The following PDE1C variants were observed in gnomAD, a reference collection of about 807,000 sequenced individuals.
PDE1C encodes dual specificity calcium/calmodulin-dependent 3',5'-cyclic nucleotide phosphodiesterase 1C.
In PDE1C, 62 loss-of-function variants were observed where a neutral mutation model predicts 93.1. That is an observed-to-expected ratio of 0.67 (90% CI 0.54 to 0.82). PDE1C has a LOEUF of 0.82. PDE1C is among the 40% of genes least tolerant of loss of function. PDE1C has a pLI of 0.00. For synonymous variants in PDE1C, 325 were observed against 310.1 expected (o/e 1.05, Z -0.50); for missense variants, 742 against 884.6 (o/e 0.84, Z 2.04).
intron 1 of PDE1C, among the ~76,000 whole-genome samples, chr7:32,069,004 G>T (rs185795145): frequency 2.4e-4 from 36 of 152,318 alleles, no homozygotes; most frequent in African/African-American, 8.7e-4. Flanking sequence ...AGGAAAGCCT[G>T]CCAGCCAGAG....
chr7:32,026,795 G>T (rs1316428762), intron 2 of PDE1C, among the ~76,000 whole-genome samples: 1 of 151,746 alleles, frequency 6.6e-6, no homozygotes, highest in Non-Finnish European at 1.5e-5. Context: ...AACAAACTGT[G>T]GTACATCTAG....
chr7:31,865,105 A>G (rs1247302490), intron 6 of PDE1C, 23 bp from the exon 7 acceptor site: 3 of 1,613,718 alleles, frequency 1.9e-6, no homozygotes, highest in Non-Finnish European at 2.5e-6. Flanking sequence ...AGTAAGGTTA[A>G]TTAACTAGTG....
chr7:31,751,382 C>T lies in PDE1C; in HGVS notation c.*2002G>A, dbSNP rs1023372982. On this transcript the variant is annotated 3_prime_UTR_variant, in exon 18 of 18. Coordinates refer to ENST00000396191, the MANE Select transcript of PDE1C (RefSeq NM_001191057.4). ...ACAGATTTGTTCCCCAGGAACATGG[C>T]TTCCAACATCAAGAAGCACAGCCAA... The T allele has an allele frequency of 2.2e-4, 34 of 152,136 alleles. No individual in the cohort carries two copies. The highest frequency in any genetic ancestry group is 8.2e-4 in the African/African-American group (34 of 41,416). 9.4% of individuals were successfully genotyped at this position (152,136 alleles called of 1,614,324 possible). A position where few individuals can be genotyped will look rare whatever the true frequency, so the allele number is the denominator to read the frequency against.
intron 7 of PDE1C, among the ~76,000 whole-genome samples, chr7:31,854,174 A>AC (rs1793709015): frequency 6.6e-6 from 1 of 152,100 alleles, no homozygotes; most frequent in Non-Finnish European, 1.5e-5. Flanking sequence ...ATGTTAGATG[A>AC]CCTCAACACT....
chr7:31,750,809 G>T (rs1009444643), downstream of PDE1C, among the ~76,000 whole-genome samples: 16 of 152,284 alleles, frequency 1.1e-4, no homozygotes, highest in Admixed American at 2.6e-4. Context: ...TCGGCTCACT[G>T]CAAGCTCTGC....
chr7:31,764,129 T>C (rs1373501450), intron 17 of PDE1C, among the ~76,000 whole-genome samples: 1 of 151,998 alleles, frequency 6.6e-6, no homozygotes, highest in Non-Finnish European at 1.5e-5. Flanking sequence ...TGCAAAAATA[T>C]AGTGGTTCAT....
intron 14 of PDE1C, among the ~76,000 whole-genome samples, chr7:31,819,382 A>G (rs1435491232): frequency 6.6e-6 from 1 of 152,154 alleles, no homozygotes; most frequent in Non-Finnish European, 1.5e-5. Flanking sequence ...TATAGATGAA[A>G]TTTTCGTATA....
chr7:32,184,755 C>A (rs1423088654), intron 2 of PDE1C, among the ~76,000 whole-genome samples: 2 of 152,026 alleles, frequency 1.3e-5, no homozygotes, highest in Non-Finnish European at 2.9e-5. Flanking sequence ...ATATGTAAAC[C>A]TGCACGTTGT....
At chr7:31,827,101 T>G (rs1411754199) in intron 12 of PDE1C, among the ~76,000 whole-genome samples, 5 of 152,194 alleles carry the variant, frequency 3.3e-5, no homozygotes, top group Non-Finnish European at 5.9e-5. Flanking sequence ...TATAAACACA[T>G]GCTATTATTA....
chr7:31,658,191 C>T, the PDE1C span: 29 of 1,256,880 alleles, frequency 2.3e-5, no homozygotes, highest in Middle Eastern at 1.9e-4. Flanking sequence ...TAAGGATATT[C>T]GTTTTTTAGC....
chr7:31,830,049 C>A (rs1015550779), intron 11 of PDE1C, among the ~76,000 whole-genome samples: 1 of 152,122 alleles, frequency 6.6e-6, no homozygotes, highest in Non-Finnish European at 1.5e-5. Flanking sequence ...TACTAAATAA[C>A]TCCTAATTCC....
intron 1 of PDE1C, among the ~76,000 whole-genome samples, chr7:32,308,326 A>G (rs1813070795): frequency 6.6e-6 from 1 of 152,240 alleles, no homozygotes; most frequent in Admixed American, 6.5e-5. Context: ...ACAAACAAAA[A>G]GACAGCAGTA....
At chr7:32,175,752 T>C (rs527796130) in intron 2 of PDE1C, among the ~76,000 whole-genome samples, 1 of 152,360 alleles carries the variant, frequency 6.6e-6, no homozygotes, top group East Asian at 1.9e-4. Flanking sequence ...AAAACTTTCA[T>C]GAGCGTCCTA....
intron 2 of PDE1C, among the ~76,000 whole-genome samples, chr7:32,177,852 T>C (rs1267765302): frequency 6.6e-6 from 1 of 152,206 alleles, no homozygotes; most frequent in Non-Finnish European, 1.5e-5. Flanking sequence ...TTGGCCTTAC[T>C]GTATTTAATA....
chr7:32,370,421 C>T (rs1298467175), intron 1 of PDE1C, among the ~76,000 whole-genome samples: 2 of 146,720 alleles, frequency 1.4e-5, no homozygotes, highest in African/African-American at 5.1e-5. Flanking sequence ...GGCACTCCAG[C>T]CTGGGCGACA....
At chr7:32,050,639 G>T (rs1793227665) in intron 2 of PDE1C, among the ~76,000 whole-genome samples, 1 of 151,856 alleles carries the variant, frequency 6.6e-6, no homozygotes, top group African/African-American at 2.4e-5. Context: ...ATTTTTAAAA[G>T]ATGAACAAAT....
At chr7:31,739,007 GC>G in the PDE1C span, among the ~76,000 whole-genome samples, 4 of 57,740 alleles carry the variant, frequency 6.9e-5, no homozygotes, top group Non-Finnish European at 1.5e-4. Flanking sequence ...CCACACCCCT[GC>G]CCCCCACATA....
chr7:31,969,587 T>G (rs62456058), intron 2 of PDE1C, among the ~76,000 whole-genome samples: 10,902 of 152,262 alleles, frequency 0.072, 605 homozygotes, highest in East Asian at 0.32. Context: ...AGTGTGGCGA[T>G]TCCTCAGGGA....
At chr7:31,817,494 C>A (rs368268164) in intron 14 of PDE1C, among the ~76,000 whole-genome samples, 2 of 152,098 alleles carry the variant, frequency 1.3e-5, no homozygotes, top group Non-Finnish European at 2.9e-5. Context: ...TGGAGAATAA[C>A]CTACACAGAA....
Sources: allele counts gnomAD v4.1 joint callset (sites outside exome capture counted in the v4.1 genomes callset), GRCh38; gene constraint gnomAD v4.1.1; transcripts MANE v1.5; gene names NCBI Gene and HGNC (gene_info 2026-07-23, HGNC 2026-07-21).